PGPEP1L: variants seen among roughly 807,000 people sequenced by gnomAD.
PGPEP1L encodes pyroglutamyl-peptidase 1-like protein.
A neutral mutation model predicts 6.0 loss-of-function variants in PGPEP1L; 7 were observed. That is an observed-to-expected ratio of 1.17 (90% confidence interval 0.66 to 2.19). The LOEUF (loss-of-function observed/expected upper bound fraction) is 2.19. PGPEP1L is among the 30% of genes most tolerant of loss of function. The pLI is 0.00. For missense variants in PGPEP1L, 209 were observed against 192.5 expected (o/e 1.09, Z -0.51); for synonymous variants, 103 against 83.9 (o/e 1.23, Z -1.24).
chr15:98,970,916 G>A (rs2017483641), intron 3 of PGPEP1L, 120 bp downstream of exon 3: 5 of 1,424,796 alleles, frequency 3.5e-6, no homozygotes, highest in African/African-American at 1.4e-5. Flanking sequence ...TTGCATGACT[G>A]GTGGGGCCTG....
intron 2 of PGPEP1L, among the ~76,000 whole-genome samples, chr15:98,976,379 ATAAT>A (rs1314119530): frequency 2.0e-5 from 3 of 152,192 alleles, no homozygotes; most frequent in Non-Finnish European, 4.4e-5. Context: ...CTCAGGGATA[ATAAT>A]TAAGTTGGGA....
At chr15:99,000,987 C>A (rs541878483) in intron 2 of PGPEP1L, among the ~76,000 whole-genome samples, 1 of 152,066 alleles carries the variant, frequency 6.6e-6, no homozygotes, top group Non-Finnish European at 1.5e-5. Context: ...CTGAAACCAG[C>A]GAGACCACGA....
rs573093948 is a variant in PGPEP1L at position 98,985,037 on chromosome 15, C to G, written c.-141-13879G>C. Reference sequence around the variant, plus strand: ...TCTGTTCTGGTCACCACGCACACGGCCCTATGGTGAGCAAGAAGATTGAGC... The same window carrying G: ...TCTGTTCTGGTCACCACGCACACGGGCCTATGGTGAGCAAGAAGATTGAGC... On this transcript the variant is annotated intron_variant, in intron 2 of 4. Transcript: ENST00000535714. 2.0e-5 allele frequency among the ~76,000 whole-genome samples: 3 copies of G among 152,164 alleles called. No homozygotes were observed. In the East Asian group the frequency reaches 5.8e-4, roughly 29 times the overall value.
intron 1 of PGPEP1L, among the ~76,000 whole-genome samples, 191 bp from the exon 2 acceptor site, chr15:99,005,847 G>A (rs1187953920): frequency 1.3e-5 from 2 of 152,200 alleles, no homozygotes; most frequent in African/African-American, 2.4e-5. Context: ...GGATGTCTGG[G>A]ACGGAACACC....
intron 2 of PGPEP1L, among the ~76,000 whole-genome samples, chr15:98,984,647 G>A (rs1396064346): frequency 6.6e-6 from 1 of 152,088 alleles, no homozygotes; most frequent in African/African-American, 2.4e-5. Context: ...ACTTTTGGCT[G>A]TATACTGGCA....
intron 2 of PGPEP1L, among the ~76,000 whole-genome samples, chr15:98,998,789 C>T (rs1211123210): frequency 6.6e-6 from 1 of 152,144 alleles, no homozygotes; most frequent in East Asian, 1.9e-4. Context: ...ACCAGCCTGG[C>T]CAACATGGCG....
Position 98,969,491 on chromosome 15 carries a change from A to G in PGPEP1L, c.143T>C (p.Met48Thr), listed in dbSNP as rs750914762. 6.8e-6 allele frequency: 11 copies of G among 1,613,930 alleles called. No homozygotes were observed. Among genetic ancestry groups the G allele is most frequent in the Non-Finnish European group, 8.5e-6 (10 of 1,179,920 alleles). Residue 48 changes from methionine (M) to threonine (T), a missense_variant, in exon 4 of 5, where the codon ATG becomes ACG. Met to Thr is a moderately conservative substitution (Grantham distance 81). Transcript: ENST00000535714. ...SPDVLESGVC[M>T]KAVCKRVAVE... ...AGCTACGCGCTTGCAGACTGCCTTC[A>G]TGCAGACCCCTGACTCCAGCACGTC...
chr15:98,968,348 G>A lies in PGPEP1L; in HGVS notation c.*130C>T, dbSNP rs915734001. The A allele has an allele frequency of 1.1e-6, 1 of 869,838 alleles. No homozygotes were observed. The highest frequency in any genetic ancestry group is 2.5e-5 in the Admixed American group (1 of 39,438). The allele number at this position is 869,838 out of a possible 1,614,324, so 53.9% of individuals were successfully genotyped here. On this transcript the variant is annotated 3_prime_UTR_variant, in exon 5 of 5. Coordinates refer to ENST00000535714, the MANE Select transcript of PGPEP1L (RefSeq NM_001167902.2). ...CAATAAAATAACCCTTTGTGATTTT[G>A]TTGGGCTAATTCAGAGTTTTCCACC...
chr15:98,993,568 G>A (rs972261696), intron 2 of PGPEP1L, among the ~76,000 whole-genome samples: 3 of 144,876 alleles, frequency 2.1e-5, no homozygotes, highest in African/African-American at 5.1e-5. Context: ...GAAATACACA[G>A]ATACAGAAAA....
intron 2 of PGPEP1L, among the ~76,000 whole-genome samples, chr15:98,984,232 G>C (rs931419025): frequency 2.0e-5 from 3 of 152,042 alleles, no homozygotes; most frequent in African/African-American, 4.8e-5. Context: ...AGATGGTCTC[G>C]ATCTCCTGAC....
intron 2 of PGPEP1L, among the ~76,000 whole-genome samples, chr15:98,989,410 AAAGT>A (rs1443183562): frequency 6.6e-6 from 1 of 152,234 alleles, no homozygotes; most frequent in Non-Finnish European, 1.5e-5. Context: ...TCAATGAAAT[AAAGT>A]GAGAACACAC....
In PGPEP1L at chr15:98,989,687, A is replaced by G. The variant is rs549214531; in HGVS notation, c.-142+15742T>C. Among the ~76,000 whole-genome samples the G allele has an allele frequency of 4.6e-5, 7 of 152,298 alleles. No homozygotes were observed. The East Asian group carries it at 1.3e-3, about 29-fold the overall frequency. ...CCCAAGACACATAATTGTCAGATTC[A>G]CCATGGTTGAAATGAAGTAAAAAAT... On this transcript the variant is annotated intron_variant, in intron 2 of 4. Transcript: ENST00000535714.
chr15:98,984,547 GTC>G (rs1450007342), intron 2 of PGPEP1L, among the ~76,000 whole-genome samples: 1 of 152,108 alleles, frequency 6.6e-6, no homozygotes, highest in Non-Finnish European at 1.5e-5. Flanking sequence ...GCCCATCTAA[GTC>G]TATTTCTATA....
rs2018103056 is a variant in PGPEP1L at position 99,007,661 on chromosome 15, C to CT, written c.-673_-672insA. 3 of 152,166 alleles carry CT rather than the reference C, an allele frequency of 2.0e-5. No homozygotes were observed. The allele number at this position is 152,166 out of a possible 1,614,324, so 9.4% of individuals were successfully genotyped here. On this transcript the variant is annotated 5_prime_UTR_variant, in exon 1 of 5. An upstream open reading frame in the 5' UTR loses its in-frame stop. Transcript: ENST00000535714. ...GTGGCTGGCTTTAAGAACGAAGCTG[C>CT]AGACCTTCACGGTGAGCGTTACAGC...
At chr15:98,979,342 AC>A (rs11337689) in intron 2 of PGPEP1L, among the ~76,000 whole-genome samples, 137,433 of 149,730 alleles carry the variant, frequency 0.92, 63,122 homozygotes, top group South Asian at 0.94. Context: ...CAAAAAAAAA[AC>A]CAAAAAACAC....
chr15:98,982,011 G>T (rs1039583365), intron 2 of PGPEP1L, among the ~76,000 whole-genome samples: 1 of 152,212 alleles, frequency 6.6e-6, no homozygotes, highest in Non-Finnish European at 1.5e-5. Context: ...TTTCTGGCTT[G>T]TCTTCCTGTC....
At chr15:98,976,639 G>A (rs1567235700) in intron 2 of PGPEP1L, among the ~76,000 whole-genome samples, 1 of 152,100 alleles carries the variant, frequency 6.6e-6, no homozygotes, top group Non-Finnish European at 1.5e-5. Context: ...GTTTTCCTAG[G>A]AACAGAAGAG....
intron 2 of PGPEP1L, among the ~76,000 whole-genome samples, chr15:98,999,405 T>C (rs555761944): frequency 1.3e-5 from 2 of 152,212 alleles, no homozygotes; most frequent in African/African-American, 4.8e-5. Flanking sequence ...CTTATCAGAG[T>C]GGCTAAAATA....
At chr15:98,981,425 G>A (rs2017658751) in intron 2 of PGPEP1L, among the ~76,000 whole-genome samples, 1 of 149,900 alleles carries the variant, frequency 6.7e-6, no homozygotes, top group African/African-American at 2.5e-5. Flanking sequence ...GGGAGGCAGA[G>A]CTTGCAGTGA....
Sources: gnomAD v4.1 joint callset for allele counts (sites outside exome capture counted in the v4.1 genomes callset) on GRCh38, gnomAD v4.1.1 for gene constraint, MANE v1.5 for transcripts, NCBI Gene and HGNC (gene_info 2026-07-23, HGNC 2026-07-21) for gene names.